RECK: variants seen among roughly 807,000 people sequenced by gnomAD.
RECK encodes reversion-inducing cysteine-rich protein with Kazal motifs.
RECK carries 69 observed loss-of-function variants against 115.1 expected under a neutral mutation model. That is an observed-to-expected ratio of 0.60 (90% CI 0.49 to 0.73). The LOEUF is 0.73. Ranked by LOEUF, RECK falls within the 30% of genes least tolerant of loss-of-function variation. RECK has a pLI of 0.00. For synonymous variants in RECK, 414 were observed against 419.7 expected, an observed-to-expected ratio of 0.99 and a Z score of 0.17; for missense variants, 1,047 against 1,203.7, an observed-to-expected ratio of 0.87 and a Z score of 1.93.
chr9:36,101,458 A>T (rs2132651725), intron 11 of RECK, among the ~76,000 whole-genome samples: 1 of 152,280 alleles, frequency 6.6e-6, no homozygotes, highest in Admixed American at 6.5e-5. Context: ...GCTGCTGGAT[A>T]CCTTAATAAT....
chr9:36,068,157 C>T (rs1235185654), intron 6 of RECK, among the ~76,000 whole-genome samples: 2 of 152,156 alleles, frequency 1.3e-5, no homozygotes, highest in Non-Finnish European at 2.9e-5. Context: ...AACTTAAATT[C>T]ATAATCCTGT....
At chr9:36,066,397 G>A (rs1821998993) in intron 6 of RECK, among the ~76,000 whole-genome samples, 1 of 152,004 alleles carries the variant, frequency 6.6e-6, no homozygotes, top group African/African-American at 2.4e-5. Flanking sequence ...TACAAACATT[G>A]GGATTCCTAT....
intron 13 of RECK, among the ~76,000 whole-genome samples, chr9:36,107,204 G>T (rs1823855319): frequency 6.6e-6 from 1 of 151,822 alleles, no homozygotes. Context: ...TGGAAAATGG[G>T]TTTTCCATAA....
At position 36,058,897 on chromosome 9, in the gene RECK, C is replaced by A; in HGVS notation, c.230C>A (p.Thr77Lys). 1.3e-6 allele frequency: 2 copies of A among 1,556,820 alleles called. No homozygotes were observed. The highest frequency in any genetic ancestry group is 2.4e-5 in the South Asian group (2 of 83,364). ...CGAGCCCCAGATTATTGCCCAGAGA[C>A]AATGGTAAGTCTTATTGTAACTTAA... The part of the protein sequence containing the change: ...LQRAPDYCPE[T>K]MVEIWNCMNS... Residue 77 changes from threonine to lysine, a missense_variant, in exon 3 of 21, where the codon ACA becomes AAA. Physicochemically the swap from Thr to Lys is moderately conservative, Grantham distance 78. Coordinates refer to ENST00000377966, the MANE Select transcript of RECK (RefSeq NM_021111.3).
chr9:36,080,059 A>C (rs1564117130), intron 6 of RECK, among the ~76,000 whole-genome samples: 1 of 152,172 alleles, frequency 6.6e-6, no homozygotes, highest in Non-Finnish European at 1.5e-5. Context: ...ATGGCTATAA[A>C]AAAACTGTAT....
At chr9:36,059,048 AT>A (rs766561237) in intron 3 of RECK, 147 bp downstream of exon 3, 8 of 420,852 alleles carry the variant, frequency 1.9e-5, no homozygotes, top group East Asian at 8.0e-5. Flanking sequence ...CTTAAAAAAA[AT>A]CTTCATATAA....
At chr9:36,103,749 G>C (rs559250324) in intron 12 of RECK, among the ~76,000 whole-genome samples, 1 of 152,306 alleles carries the variant, frequency 6.6e-6, no homozygotes, top group South Asian at 2.1e-4. Context: ...TAGCAAAAAA[G>C]AGAGCATTAG....
In RECK at chr9:36,118,885, A is replaced by C. The variant is rs773999912; in HGVS notation, c.2382A>C (p.Ser794=). Residue 794 remains serine, a synonymous_variant, in exon 18 of 21, where the codon TCA becomes TCC. Coordinates refer to ENST00000377966, the MANE Select transcript of RECK (RefSeq NM_021111.3). ...ACTGCCAGGCCGTCGGAGTCCTCTCAGAGCACAGCTCCGTCGCCGAGTGTG... is the reference window on the plus strand; with the variant it reads ...ACTGCCAGGCCGTCGGAGTCCTCTCCGAGCACAGCTCCGTCGCCGAGTGTG... ...YGDCQAVGVL[S]EHSSVAECAS... 1 of 1,614,014 alleles carries C rather than the reference A, an allele frequency of 6.2e-7. No homozygotes were observed. Among genetic ancestry groups the C allele is most frequent in the Non-Finnish European group, 8.5e-7 (1 of 1,180,038 alleles).
chr9:36,068,878 C>T (rs1238958790), intron 6 of RECK, among the ~76,000 whole-genome samples: 1 of 152,172 alleles, frequency 6.6e-6, no homozygotes, highest in Non-Finnish European at 1.5e-5. Context: ...GCTGGTCTTC[C>T]CATGAGTTTG....
intron 8 of RECK, chr9:36,085,959 T>C (rs995326710): frequency 1.3e-5 from 2 of 150,424 alleles, no homozygotes; most frequent in African/African-American, 2.4e-5. Context: ...GCTAAGGAGA[T>C]GGCAGCTCAA....
At chr9:36,105,106 T>C (rs1176104411) in intron 12 of RECK, 37 bp from the exon 13 acceptor site, 2 of 1,581,718 alleles carry the variant, frequency 1.3e-6, no homozygotes, top group Non-Finnish European at 1.7e-6. Context: ...TCTTACTCTT[T>C]TAGGTTGGTT....
rs772646211 is a variant in RECK at position 36,118,794 on chromosome 9, A to C, written c.2291A>C (p.Asn764Thr). Residue 764 changes from asparagine (N) to threonine (T), a missense_variant, in exon 18 of 21, where the codon AAT becomes ACT. Coordinates refer to ENST00000377966, the MANE Select transcript of RECK (RefSeq NM_021111.3). ...GCAACCGAGCCCGTATGTGGGCACA[A>C]TGGTGAGACCTACAGCAGTGTGTGT... ...CRATEPVCGH[N>T]GETYSSVCAA... 21 of 1,614,032 alleles carry C rather than the reference A, an allele frequency of 1.3e-5. No individual in the cohort carries two copies. Among genetic ancestry groups the C allele is most frequent in the Middle Eastern group, 1.6e-4 (1 of 6,080 alleles).
At chr9:36,106,585 A>T (rs1049692321) in intron 13 of RECK, among the ~76,000 whole-genome samples, 1 of 152,028 alleles carries the variant, frequency 6.6e-6, no homozygotes, top group Non-Finnish European at 1.5e-5. Flanking sequence ...AATAAGCATG[A>T]TGTCTCAAAG....
At position 36,118,921 on chromosome 9, in the gene RECK, G is replaced by A; in HGVS notation, c.2418G>A (p.Lys806=). ...CCGTCGCCGAGTGTGCTTCTGTCAA[G>A]TGTCCTTCGCTCTTGGCAGCTGGAT... The part of the protein sequence containing the change: ...HSSVAECASV[K]CPSLLAAGCK... The change falls in exon 18 of 21, where the codon AAG becomes AAA. Residue 806 remains lysine (K), a synonymous_variant. Transcript: ENST00000377966. 6.2e-7 allele frequency: 1 copy of A among 1,613,364 alleles called. No individual in the cohort carries two copies. Among genetic ancestry groups the A allele is most frequent in the South Asian group, 1.1e-5 (1 of 91,034 alleles).
chr9:36,084,405 A>T (rs1015575886), intron 8 of RECK, among the ~76,000 whole-genome samples: 4 of 151,738 alleles, frequency 2.6e-5, no homozygotes, highest in African/African-American at 9.7e-5. Context: ...AACAAAACAA[A>T]ACAAAAAGGC....
At chr9:36,045,795 G>A (rs1011671605) in intron 1 of RECK, among the ~76,000 whole-genome samples, 1 of 151,884 alleles carries the variant, frequency 6.6e-6, no homozygotes, top group Non-Finnish European at 1.5e-5. Flanking sequence ...TTCTGCATGT[G>A]GCTGGAGCAT....
intron 3 of RECK, among the ~76,000 whole-genome samples, 170 bp from the exon 4 acceptor site, chr9:36,059,949 C>G (rs1821691026): frequency 6.6e-6 from 1 of 152,174 alleles, no homozygotes; most frequent in Non-Finnish European, 1.5e-5. Flanking sequence ...ATTTCTGTAT[C>G]TCAGCTTTGT....
At chr9:36,074,076 G>A (rs78228680) in intron 6 of RECK, among the ~76,000 whole-genome samples, 3,808 of 152,160 alleles carry the variant, frequency 0.025, 170 homozygotes, top group African/African-American at 0.087. Flanking sequence ...TACCTCTATT[G>A]AACTAGAGTA....
At chr9:36,084,845 A>G (rs1212727912) in intron 8 of RECK, among the ~76,000 whole-genome samples, 4 of 152,140 alleles carry the variant, frequency 2.6e-5, no homozygotes, top group African/African-American at 7.2e-5. Context: ...GCCTGAGGTC[A>G]AAAGTTCAAG....
Sources: allele counts gnomAD v4.1 joint callset (sites outside exome capture counted in the v4.1 genomes callset), GRCh38; gene constraint gnomAD v4.1.1; transcripts MANE v1.5; gene names NCBI Gene and HGNC (gene_info 2026-07-23, HGNC 2026-07-21).